Variants in TBC1D8 observed in about 807,000 individuals in gnomAD.
TBC1D8 encodes TBC1 domain family member 8.
A neutral mutation model predicts 118.8 loss-of-function variants in TBC1D8; 65 were observed. The ratio of observed to expected loss-of-function variants is 0.55; its 90% CI spans 0.45 to 0.67. The LOEUF (loss-of-function observed/expected upper bound fraction) is 0.67, where lower values mean the gene tolerates loss of function less well. TBC1D8 is among the 30% of genes least tolerant of loss of function. The pLI, the probability that TBC1D8 is intolerant of heterozygous loss-of-function variation, is 0.00. For missense variants in TBC1D8, 1,376 were observed against 1,471.2 expected, an observed-to-expected ratio of 0.94 and a Z score of 1.06; for synonymous variants, 566 against 595.8, an observed-to-expected ratio of 0.95 and a Z score of 0.73.
intron 1 of TBC1D8, among the ~76,000 whole-genome samples, chr2:101,136,656 T>C (rs535043270): frequency 6.6e-6 from 1 of 152,330 alleles, no homozygotes; most frequent in African/African-American, 2.4e-5. Context: ...CACACGAGTA[T>C]GCACACTTGT....
At chr2:101,091,246 T>C (rs1308958002) in intron 1 of TBC1D8, among the ~76,000 whole-genome samples, 3 of 151,960 alleles carry the variant, frequency 2.0e-5, no homozygotes, top group Admixed American at 6.6e-5. Flanking sequence ...GATCGCACCA[T>C]TGCACTCCAG....
At chr2:101,116,795 C>T (rs1362198429) in intron 1 of TBC1D8, among the ~76,000 whole-genome samples, 1 of 151,994 alleles carries the variant, frequency 6.6e-6, no homozygotes, top group Non-Finnish European at 1.5e-5. Context: ...GCGCACACCA[C>T]CATGCCCAAC....
At chr2:101,055,476 G>A (rs1424582870) in intron 3 of TBC1D8, among the ~76,000 whole-genome samples, 1 of 152,130 alleles carries the variant, frequency 6.6e-6, no homozygotes, top group Non-Finnish European at 1.5e-5. Context: ...CTGCCTGACT[G>A]TGTGGCTCAC....
chr2:101,127,367 T>C (rs1343678571), intron 1 of TBC1D8, among the ~76,000 whole-genome samples: 1 of 148,484 alleles, frequency 6.7e-6, no homozygotes, highest in Non-Finnish European at 1.5e-5. Context: ...AGAAGGAAAT[T>C]CAGGTCCCAT....
rs1481169472 is a variant in TBC1D8, at chr2:101,144,794, C to T, written c.127+6333G>A. On this transcript the variant is annotated intron_variant, in intron 1 of 19. Coordinates refer to ENST00000409318, the MANE Select transcript of TBC1D8 (RefSeq NM_001330348.2). The stretch of plus-strand genomic sequence containing the variant: ...CTCTACTAAAATACAAAAAATTAGC[C>T]GGGTGTGGTGGTGCGTGCCTGTAGT... 2.0e-5 allele frequency among the ~76,000 whole-genome samples: 3 copies of T among 151,838 alleles called. 1 individual carries two copies. The highest frequency in any genetic ancestry group is 3.9e-4 in the East Asian group (2 of 5,154).
intron 1 of TBC1D8, among the ~76,000 whole-genome samples, chr2:101,150,258 G>C (rs956665327): frequency 1.3e-5 from 2 of 152,014 alleles, no homozygotes; most frequent in Non-Finnish European, 2.9e-5. Flanking sequence ...CCTCTCTCTG[G>C]CCTCTGTCTT....
Position 101,090,257 on chromosome 2 carries a change from A to G in TBC1D8, c.235T>C (p.Cys79Arg), listed in dbSNP as rs746899004. 2.5e-6 allele frequency: 4 copies of G among 1,614,040 alleles called. No homozygotes were observed. Among genetic ancestry groups the G allele is most frequent in the South Asian group, 1.1e-5 (1 of 91,088 alleles). The change falls in exon 2 of 20, where the codon TGT becomes CGT. Residue 79 changes from cysteine (C) to arginine (R), a missense_variant. Coordinates refer to ENST00000409318, the MANE Select transcript of TBC1D8 (RefSeq NM_001330348.2). ...PGSQVYSPIA[C>R]GELLNGSDVY... The stretch of plus-strand genomic sequence containing the variant: ...TCTGATCCATTCAGTAACTCACCAC[A>G]TGCTATGGGAGAATAAACCTGGGAG...
At position 101,133,429 on chromosome 2, in the gene TBC1D8, T is replaced by C. The variant is rs757557726; in HGVS notation, c.127+17698A>G. ...TTCCATCTTCCCTCTCTCCCTGTCTTAGTCCATTTCGGATGCTATAACAAA... is the reference window on the plus strand; with the variant it reads ...TTCCATCTTCCCTCTCTCCCTGTCTCAGTCCATTTCGGATGCTATAACAAA... On this transcript the variant is annotated intron_variant, in intron 1 of 19. Transcript: ENST00000409318. Among the ~76,000 whole-genome samples, 53 of 152,106 alleles carry C rather than the reference T, an allele frequency of 3.5e-4. 1 individual carries two copies.
chr2:101,033,898 T>C (rs1680834773), intron 9 of TBC1D8, 140 bp from the exon 10 acceptor site: 3 of 1,009,736 alleles, frequency 3.0e-6, no homozygotes. Flanking sequence ...GTGCGGTGGC[T>C]CACGCCTGTA....
At chr2:101,102,550 A>AC (rs1260876043) in intron 1 of TBC1D8, among the ~76,000 whole-genome samples, 1 of 151,982 alleles carries the variant, frequency 6.6e-6, no homozygotes, top group Non-Finnish European at 1.5e-5. Flanking sequence ...AAAAAAAACA[A>AC]CAAAAAACAT....
intron 1 of TBC1D8, among the ~76,000 whole-genome samples, chr2:101,146,282 A>C (rs1472869691): frequency 1.3e-5 from 2 of 152,132 alleles, no homozygotes; most frequent in Non-Finnish European, 2.9e-5. Flanking sequence ...CTTGACTCCA[A>C]AGGTTGTATT....
At chr2:101,132,722 A>G (rs1304275042) in intron 1 of TBC1D8, among the ~76,000 whole-genome samples, 1 of 151,884 alleles carries the variant, frequency 6.6e-6, no homozygotes, top group African/African-American at 2.4e-5. Context: ...CCAAGTAACT[A>G]GGACTACAGG....
chr2:101,059,312 G>C, intron 3 of TBC1D8, 109 bp downstream of exon 3: 4 of 803,496 alleles, frequency 5.0e-6, no homozygotes, highest in Non-Finnish European at 8.1e-6. Context: ...TACGTATTGA[G>C]CCAAAAGTTC....
intron 5 of TBC1D8, among the ~76,000 whole-genome samples, chr2:101,047,810 T>C (rs549600865): frequency 2.6e-5 from 4 of 152,338 alleles, no homozygotes; most frequent in Admixed American, 2.0e-4. Flanking sequence ...GGGGAATGTC[T>C]TGTAGAATCT....
At chr2:101,019,655 G>A (rs1679904011) in intron 17 of TBC1D8, 1 of 152,020 alleles carries the variant, frequency 6.6e-6, no homozygotes. Flanking sequence ...TGTTCAAAAA[G>A]GTCTGAACAA....
rs191990295 is a variant in TBC1D8 at position 101,050,324 on chromosome 2, C to T, written c.872+77G>A. The T allele has an allele frequency of 8.6e-5, 130 of 1,520,234 alleles. No homozygotes were observed. In the African/African-American group the frequency reaches 1.6e-3, roughly 19 times the overall value. The allele number at this position is 1,520,234 out of a possible 1,614,324, so 94.2% of individuals were successfully genotyped here. ...CTAACATAACCAAGGCTAACAAAAG[C>T]ACTTGTACATAAGGGATGGGCACAG... is the stretch of plus-strand genomic sequence containing the variant. On this transcript the variant is annotated intron_variant, in intron 5 of 19. Transcript: ENST00000409318.
At chr2:101,096,419 CAAAAAAAAAAAAA>C (rs55824667) in intron 1 of TBC1D8, among the ~76,000 whole-genome samples, 22 of 43,734 alleles carry the variant, frequency 5.0e-4, no homozygotes, top group East Asian at 8.8e-4. Flanking sequence ...TGGCTTTTGA[CAAAAAAAAAAAAA>C]AAAAAAAAAA....
At chr2:101,047,302 A>C (rs747495653) in intron 5 of TBC1D8, among the ~76,000 whole-genome samples, 1 of 152,244 alleles carries the variant, frequency 6.6e-6, no homozygotes, top group Non-Finnish European at 1.5e-5. Flanking sequence ...CACTGTGGCC[A>C]TAAGTCCTGC....
intron 1 of TBC1D8, among the ~76,000 whole-genome samples, chr2:101,113,772 A>G (rs143776077): frequency 1.3e-5 from 2 of 152,348 alleles, no homozygotes; most frequent in African/African-American, 2.4e-5. Flanking sequence ...GGGTCAGTGA[A>G]GGAAGACAAC....
Sources: allele counts gnomAD v4.1 joint callset (sites outside exome capture counted in the v4.1 genomes callset), GRCh38; gene constraint gnomAD v4.1.1; transcripts MANE v1.5; gene names NCBI Gene and HGNC (gene_info 2026-07-23, HGNC 2026-07-21).